Variants in RNF123 observed in about 807,000 individuals in gnomAD.
RNF123 encodes the protein ring finger protein 123, also known as E3 ubiquitin-protein ligase RNF123.
RNF123 carries 86 observed loss-of-function variants against 168.5 expected under a neutral mutation model. The ratio of observed to expected loss-of-function variants is 0.51; its 90% CI spans 0.43 to 0.61. The LOEUF (loss-of-function observed/expected upper bound fraction) is 0.61. Ranked by LOEUF, RNF123 falls within the 20% of genes least tolerant of loss-of-function variation. RNF123 has a pLI of 0.00. For missense variants in RNF123, 1,419 were observed against 1,729.7 expected, an observed-to-expected ratio of 0.82 and a Z score of 3.19; for synonymous variants, 666 against 689.1, an observed-to-expected ratio of 0.97 and a Z score of 0.52.
chr3:49,694,353 C>G (rs1022934849), intron 3 of RNF123, among the ~76,000 whole-genome samples: 8 of 152,208 alleles, frequency 5.3e-5, no homozygotes, highest in Non-Finnish European at 4.4e-5. Context: ...AAGTTTGCAT[C>G]CTATTTTTAT....
At chr3:49,707,276 A>T (rs928168999) in intron 26 of RNF123, among the ~76,000 whole-genome samples, 1 of 150,096 alleles carries the variant, frequency 6.7e-6, no homozygotes, top group Non-Finnish European at 1.5e-5. Flanking sequence ...TGTCTGACTC[A>T]TTACCACCCG....
chr3:49,718,605 G>T, intron 35 of RNF123: 2 of 1,613,004 alleles, frequency 1.2e-6, no homozygotes, highest in Non-Finnish European at 1.7e-6. Flanking sequence ...GCGCGTACAG[G>T]TGCTCTTCCG....
chr3:49,720,516 A>G lies in RNF123; in HGVS notation c.3506A>G (p.Glu1169Gly), dbSNP rs745734265. Residue 1169 changes from glutamate (E) to glycine (G), a missense_variant, in exon 36 of 39, where the codon GAG becomes GGG. Coordinates refer to ENST00000327697, the MANE Select transcript of RNF123 (RefSeq NM_022064.5). Reference protein sequence around the residue: ...LLVRGPASEREQATSVLLADP... With the variant: ...LLVRGPASERGQATSVLLADP... ...TTGCACCCTCCCCTACCTAGGAGAG[A>G]GCAAGCCACATCAGTGCTCCTGGCA... 6.3e-7 allele frequency: 1 copy of G among 1,586,674 alleles called. No homozygotes were observed.
chr3:49,696,349 CTTT>C (rs751323081), intron 3 of RNF123, among the ~76,000 whole-genome samples: 4 of 138,042 alleles, frequency 2.9e-5, no homozygotes, highest in Non-Finnish European at 3.2e-5. Context: ...GAGAGGGCTA[CTTT>C]TTTTTTTTTT....
Position 49,706,820 on chromosome 3 carries a change from G to C in RNF123, c.2418G>C (p.Lys806Asn). The C allele has an allele frequency of 1.2e-6, 2 of 1,614,216 alleles. No individual in the cohort carries two copies. The highest frequency in any genetic ancestry group is 1.7e-6 in the Non-Finnish European group (2 of 1,180,022). The change falls in exon 26 of 39, where the codon AAG becomes AAC. Residue 806 changes from lysine (K) to asparagine (N), a missense_variant. Lys to Asn is a moderately conservative substitution (Grantham distance 94). This residue lies in a region of RNF123 where 538 missense variants were observed against 708.8 expected (regional missense o/e 0.76). Transcript: ENST00000327697. ...RRKDILAELT[K>N]SQKVFSEKLD... Reference sequence around the variant, plus strand: ...AGGACATCCTTGCAGAGTTGACCAAGAGCCAGAAGGTTTTCTCAGAAAAGC... The same window carrying C: ...AGGACATCCTTGCAGAGTTGACCAACAGCCAGAAGGTTTTCTCAGAAAAGC...
chr3:49,718,655 C>G, intron 35 of RNF123: 1 of 1,612,810 alleles, frequency 6.2e-7, no homozygotes, highest in East Asian at 2.2e-5. Context: ...GAGCAGTTCT[C>G]AAAGACGCGG....
At chr3:49,713,250 T>G (rs2080177366) in intron 27 of RNF123, 1 of 592,708 alleles carries the variant, frequency 1.7e-6, no homozygotes, top group Non-Finnish European at 3.0e-6. Flanking sequence ...TGACTGCTCA[T>G]CAGGTGTGTG....
At chr3:49,714,214 G>A (rs375121480) in intron 31 of RNF123, 40 bp downstream of exon 31, 7 of 1,584,960 alleles carry the variant, frequency 4.4e-6, no homozygotes, top group African/African-American at 1.3e-5. Flanking sequence ...CAAGGCAGGC[G>A]GGGGCGCTTA....
intron 21 of RNF123, among the ~76,000 whole-genome samples, chr3:49,704,035 G>A (rs943915873): frequency 2.0e-5 from 3 of 152,188 alleles, no homozygotes; most frequent in Non-Finnish European, 4.4e-5. Flanking sequence ...GAGGAGTCAG[G>A]ATGACCCCAG....
In RNF123 at chr3:49,698,423, A is replaced by T. The variant is rs1413801043; in HGVS notation, c.484-17A>T. ...CTGCCTGCCTCACCAGGGACCTCAT[A>T]GGCATTTCCTCCCTAGGAGGGGGTT... On this transcript the variant is annotated splice_polypyrimidine_tract_variant and intron_variant, in intron 7 of 38. Coordinates refer to ENST00000327697, the MANE Select transcript of RNF123 (RefSeq NM_022064.5). 1 of 1,610,476 alleles carries T rather than the reference A, an allele frequency of 6.2e-7. No individual in the cohort carries two copies. The highest frequency in any genetic ancestry group is 8.5e-7 in the Non-Finnish European group (1 of 1,177,300).
intron 27 of RNF123, chr3:49,712,939 C>G (rs1259411600): frequency 1.4e-6 from 1 of 702,958 alleles, no homozygotes; most frequent in Non-Finnish European, 2.6e-6. Flanking sequence ...GTGCTATGAG[C>G]AACTGCCATG....
intron 35 of RNF123, 139 bp downstream of exon 35, chr3:49,716,616 G>A (rs2080249786): frequency 1.3e-6 from 1 of 767,650 alleles, no homozygotes; most frequent in African/African-American, 1.7e-5. Flanking sequence ...AGGGAAGGTG[G>A]TGAGGTGTGA....
At chr3:49,714,635 A>C (rs1010255898) in intron 31 of RNF123, among the ~76,000 whole-genome samples, 2 of 152,210 alleles carry the variant, frequency 1.3e-5, no homozygotes, top group African/African-American at 2.4e-5. Context: ...CTGGGAGCAC[A>C]GATTGGAGGT....
At chr3:49,690,407 A>G (rs1000575003) in intron 1 of RNF123, among the ~76,000 whole-genome samples, 11 of 152,218 alleles carry the variant, frequency 7.2e-5, no homozygotes, top group African/African-American at 2.7e-4. Context: ...GTTGGACAGC[A>G]CCGCTACACA....
chr3:49,720,695 G>C, intron 36 of RNF123, 42 bp downstream of exon 36: 1 of 1,597,678 alleles, frequency 6.3e-7, no homozygotes, highest in Non-Finnish European at 8.6e-7. Flanking sequence ...TCTGGGGCTG[G>C]GTCGGGTCAG....
chr3:49,698,052 G>A lies in RNF123; in HGVS notation c.398G>A (p.Gly133Glu), dbSNP rs1249625140. ...GTGGCCCTAACTCAGCTCTTTCCAG[G>A]GAAATGGCTCTACGAGGTCCTCATC... Reference protein sequence around the residue: ...TIRSTTCVYKGKWLYEVLISS... With the variant: ...TIRSTTCVYKEKWLYEVLISS... The change falls in exon 7 of 39, where the codon GGG becomes GAG. Residue 133 changes from glycine to glutamate, a missense_variant and splice_region_variant. Gly to Glu is a moderately conservative substitution (Grantham distance 98). Coordinates refer to ENST00000327697, the MANE Select transcript of RNF123 (RefSeq NM_022064.5). 1.2e-6 allele frequency: 2 copies of A among 1,614,104 alleles called. No individual in the cohort carries two copies. Among genetic ancestry groups the A allele is most frequent in the East Asian group, 4.5e-5 (2 of 44,878 alleles).
intron 31 of RNF123, 197 bp from the exon 32 acceptor site, chr3:49,715,378 G>T: frequency 1.5e-6 from 1 of 649,690 alleles, no homozygotes. Context: ...GGCTTGCCTA[G>T]TAGAAGGAGG....
At chr3:49,708,509 C>A (rs980424018) in intron 26 of RNF123, among the ~76,000 whole-genome samples, 2 of 82,920 alleles carry the variant, frequency 2.4e-5, no homozygotes, top group Non-Finnish European at 6.2e-5. Flanking sequence ...GGCTCACAGA[C>A]CCCCAGCTGG....
chr3:49,706,689 G>C, intron 25 of RNF123, 102 bp from the exon 26 acceptor site: 1 of 985,962 alleles, frequency 1.0e-6, no homozygotes, highest in Non-Finnish European at 1.6e-6. Flanking sequence ...TCCCTTGCCT[G>C]CTCCAGGCAC....
Sources: gnomAD v4.1 joint callset for allele counts (sites outside exome capture counted in the v4.1 genomes callset) on GRCh38, gnomAD v4.1.1 for gene constraint, gnomAD v4.1.1 regional missense constraint, MANE v1.5 for transcripts, NCBI Gene and HGNC (gene_info 2026-07-23, HGNC 2026-07-21) for gene names.